Variants in PCDHGA4 observed in about 807,000 individuals in gnomAD.
The protein encoded by PCDHGA4 is protocadherin gamma subfamily A, 4.
In PCDHGA4, 38 loss-of-function variants were observed where a neutral mutation model predicts 54.6. The observed-to-expected ratio is 0.70, with a 90% CI of 0.54 to 0.91. PCDHGA4 has a LOEUF of 0.91. Ranked by LOEUF, PCDHGA4 falls within the 40% of genes least tolerant of loss-of-function variation. PCDHGA4 has a pLI of 0.00. For missense variants in PCDHGA4, 1,298 were observed against 1,220.9 expected (o/e 1.06, Z -0.94); for synonymous variants, 511 against 512.9 (o/e 1.00, Z 0.05).
At chr5:141,386,929 A>G (rs1329848875) in intron 1 of PCDHGA4, among the ~76,000 whole-genome samples, 1 of 152,216 alleles carries the variant, frequency 6.6e-6, no homozygotes, top group Non-Finnish European at 1.5e-5. Context: ...AAATAAGTGC[A>G]GAGGTAGGAA....
intron 2 of PCDHGA4, 88 bp from the exon 3 acceptor site, chr5:141,505,305 C>G (rs1363643214): frequency 1.0e-5 from 16 of 1,595,104 alleles, no homozygotes; most frequent in African/African-American, 2.7e-5. Flanking sequence ...GGTTAGGGTA[C>G]TAGGTTTGGG....
At position 141,490,381 on chromosome 5, in the gene PCDHGA4, A is replaced by T. The variant is rs770046796; in HGVS notation, c.2515-4426A>T. 1 of 1,614,240 alleles carries T rather than the reference A, an allele frequency of 6.2e-7. No homozygotes were observed. The highest frequency in any genetic ancestry group is 1.1e-5 in the South Asian group (1 of 91,090). On this transcript the variant is annotated intron_variant, in intron 1 of 3. Coordinates refer to ENST00000571252, the MANE Select transcript of PCDHGA4 (RefSeq NM_018917.4). This position sits in a 1 kb window ranked among gnomAD's most constrained non-coding sequence, Gnocchi z 5.4. ...TAATGTGCGAGACCGGGACTCAGGT[A>T]GAAATGGTGAAGTGAGCCTTGATAT...
chr5:141,397,995 C>T, intron 1 of PCDHGA4: 1 of 1,367,706 alleles, frequency 7.3e-7, no homozygotes, highest in Non-Finnish European at 9.8e-7. Flanking sequence ...CCGCTTCCTC[C>T]TCGGAAAAAG....
intron 1 of PCDHGA4, chr5:141,410,847 G>GTA: frequency 1.9e-5 from 3 of 158,244 alleles, no homozygotes; most frequent in East Asian, 1.3e-4. Flanking sequence ...TTTTGTCTTT[G>GTA]TCTTTTTTTT....
At chr5:141,416,497 T>G (rs1426816820) in intron 1 of PCDHGA4, 3 of 152,116 alleles carry the variant, frequency 2.0e-5, no homozygotes, top group Non-Finnish European at 4.4e-5. Context: ...GAGCAAGAGA[T>G]ATATGACAAA....
chr5:141,372,086 C>T (rs1389787406), intron 1 of PCDHGA4: 21 of 1,613,620 alleles, frequency 1.3e-5, no homozygotes, highest in East Asian at 2.2e-5. Flanking sequence ...TGGTGCTGTA[C>T]CCAGCTCTGG....
chr5:141,364,317 G>A (rs1467973358), intron 1 of PCDHGA4: 2 of 1,524,768 alleles, frequency 1.3e-6, no homozygotes, highest in Non-Finnish European at 8.8e-7. Context: ...AGAAAATTGG[G>A]CAGAGAGAAG....
At chr5:141,482,755 T>TGA (rs1554165462) in intron 1 of PCDHGA4, among the ~76,000 whole-genome samples, 1 of 143,580 alleles carries the variant, frequency 7.0e-6, no homozygotes, top group Admixed American at 6.9e-5. Context: ...GGGATTATGG[T>TGA]ATTTCATTAT....
chr5:141,375,096 T>C lies in PCDHGA4; in HGVS notation c.2514+17475T>C, dbSNP rs764268392. 1.9e-5 allele frequency: 30 copies of C among 1,613,836 alleles called. No homozygotes were observed. The highest frequency in any genetic ancestry group is 2.5e-5 in the Non-Finnish European group (29 of 1,179,900). ...AGAGCGAAAGTCTTAATAACTATCT[T>C]GGATGTCAATGATAATGTACCAGAA... is the stretch of plus-strand genomic sequence containing the variant. On this transcript the variant is annotated intron_variant, in intron 1 of 3. Coordinates refer to ENST00000571252, the MANE Select transcript of PCDHGA4 (RefSeq NM_018917.4).
chr5:141,397,961 G>C, intron 1 of PCDHGA4: 2 of 1,038,400 alleles, frequency 1.9e-6, no homozygotes, highest in Non-Finnish European at 2.7e-6. Context: ...CCCCAGCTCA[G>C]ACTCCCCAGC....
intron 1 of PCDHGA4, among the ~76,000 whole-genome samples, chr5:141,429,545 G>T (rs1200824675): frequency 6.6e-6 from 1 of 151,844 alleles, no homozygotes; most frequent in East Asian, 1.9e-4. Context: ...TAAGAACATG[G>T]TAATGATTTG....
chr5:141,409,828 C>CG (rs2095322406), intron 1 of PCDHGA4: 1 of 1,611,010 alleles, frequency 6.2e-7, no homozygotes, highest in African/African-American at 1.3e-5. Flanking sequence ...CGCCCACGCT[C>CG]AGCGCCAACG....
intron 1 of PCDHGA4, among the ~76,000 whole-genome samples, chr5:141,448,214 G>A (rs2098576063): frequency 6.6e-6 from 1 of 152,092 alleles, no homozygotes; most frequent in Non-Finnish European, 1.5e-5. Context: ...CTGTGTGTAT[G>A]CGAATGTATG....
At chr5:141,472,010 C>T (rs1305786275) in intron 1 of PCDHGA4, among the ~76,000 whole-genome samples, 1 of 151,978 alleles carries the variant, frequency 6.6e-6, no homozygotes, top group Non-Finnish European at 1.5e-5. Flanking sequence ...CGTATAGGGG[C>T]ACTATATTGT....
intron 1 of PCDHGA4, chr5:141,388,489 G>A: frequency 6.2e-7 from 1 of 1,613,844 alleles, no homozygotes; most frequent in Non-Finnish European, 8.5e-7. Context: ...CCTTTGGACA[G>A]AGAAAAGCAG....
intron 1 of PCDHGA4, among the ~76,000 whole-genome samples, chr5:141,381,748 T>C (rs1252356879): frequency 6.6e-6 from 1 of 152,130 alleles, no homozygotes; most frequent in Non-Finnish European, 1.5e-5. Context: ...GATTCCGACA[T>C]TGTTCTACTA....
rs143083513 is a variant in PCDHGA4 at position 141,431,088 on chromosome 5, T to C, written c.2515-63719T>C. On this transcript the variant is annotated intron_variant, in intron 1 of 3. Coordinates refer to ENST00000571252, the MANE Select transcript of PCDHGA4 (RefSeq NM_018917.4). This position sits in a 1 kb window ranked among gnomAD's most constrained non-coding sequence, Gnocchi z 4.8. The stretch of plus-strand genomic sequence containing the variant: ...TGTCAATTAAATCTAGACATTCTGA[T>C]GGAGGATAAAGTGAAAATATATGGA... 106 of 1,614,180 alleles carry C rather than the reference T, an allele frequency of 6.6e-5. 1 individual carries two copies. The highest frequency in any genetic ancestry group is 3.1e-4 in the East Asian group (14 of 44,890).
intron 1 of PCDHGA4, among the ~76,000 whole-genome samples, chr5:141,444,933 G>A (rs1004890599): frequency 3.3e-5 from 5 of 152,152 alleles, no homozygotes; most frequent in African/African-American, 1.2e-4. Context: ...AAAGAGGGAA[G>A]GAGGGAGGAG....
rs1036126623 is a variant in PCDHGA4, at chr5:141,410,753, T to A, written c.2514+53132T>A. On this transcript the variant is annotated intron_variant, in intron 1 of 3. Transcript: ENST00000571252. ...AGCTTTTTACAATATTTTCTCAATG[T>A]TTTTTCAATTATAGTTTTCACTATG... 4.1e-6 allele frequency: 5 copies of A among 1,229,696 alleles called. No individual in the cohort carries two copies. In the African/African-American group the frequency reaches 6.1e-5, roughly 15 times the overall value. 76.2% of individuals were successfully genotyped at this position (1,229,696 alleles called of 1,614,324 possible). A position where few individuals can be genotyped will look rare whatever the true frequency, so the allele number is the denominator to read the frequency against.
Sources: gnomAD v4.1 joint callset for allele counts (sites outside exome capture counted in the v4.1 genomes callset) on GRCh38, gnomAD v4.1.1 for gene constraint, Gnocchi (gnomAD v3.1) non-coding constraint, MANE v1.5 for transcripts, NCBI Gene and HGNC (gene_info 2026-07-23, HGNC 2026-07-21) for gene names.